Variants in IGSF5 observed in about 807,000 individuals in gnomAD.
The protein encoded by IGSF5 is immunoglobulin superfamily 5 like.
Under a neutral mutation model 39.4 loss-of-function variants are expected in IGSF5, and 41 were observed. That is an observed-to-expected ratio of 1.04 (90% CI 0.81 to 1.35). The LOEUF (loss-of-function observed/expected upper bound fraction) is 1.35, where lower values mean the gene tolerates loss of function less well. IGSF5 is among the 40% of genes most tolerant of loss of function. IGSF5 has a pLI of 0.00. For synonymous variants in IGSF5, 183 were observed against 175.3 expected (o/e 1.04, Z -0.34); for missense variants, 487 against 494.6 (o/e 0.98, Z 0.15).
At chr21:39,795,577 G>A (rs1029951245) in intron 8 of IGSF5, among the ~76,000 whole-genome samples, 1 of 151,516 alleles carries the variant, frequency 6.6e-6, no homozygotes, top group Non-Finnish European at 1.5e-5. Flanking sequence ...GGAATGTGAG[G>A]TGCATTTGGA....
chr21:39,747,420 C>G (rs2079980693), intron 2 of IGSF5, among the ~76,000 whole-genome samples: 1 of 140,386 alleles, frequency 7.1e-6, no homozygotes, highest in Admixed American at 7.5e-5. Flanking sequence ...CACAGCCAAA[C>G]CATATCACCT....
At chr21:39,763,220 G>C (rs1601127263) in intron 2 of IGSF5, among the ~76,000 whole-genome samples, 1 of 152,278 alleles carries the variant, frequency 6.6e-6, no homozygotes, top group South Asian at 2.1e-4. Context: ...GTCCTCCAGT[G>C]TTTATTCTGA....
the IGSF5 span, among the ~76,000 whole-genome samples, chr21:39,739,870 G>T: frequency 6.6e-6 from 1 of 152,158 alleles, no homozygotes; most frequent in Non-Finnish European, 1.5e-5. Flanking sequence ...TTAACAAGGA[G>T]GTTAAAGATA....
the IGSF5 span, among the ~76,000 whole-genome samples, chr21:39,722,970 C>A: frequency 6.6e-6 from 1 of 152,186 alleles, no homozygotes; most frequent in Non-Finnish European, 1.5e-5. Flanking sequence ...TATTATTAAC[C>A]TTGTTTTTCC....
At chr21:39,771,919 G>C (rs2080116577) in intron 4 of IGSF5, among the ~76,000 whole-genome samples, 1 of 152,186 alleles carries the variant, frequency 6.6e-6, no homozygotes, top group African/African-American at 2.4e-5. Flanking sequence ...GAGGCCCGGA[G>C]AAAGTCTGTG....
intron 8 of IGSF5, among the ~76,000 whole-genome samples, chr21:39,794,937 T>C (rs949607227): frequency 2.6e-5 from 4 of 152,144 alleles, no homozygotes; most frequent in African/African-American, 9.7e-5. Context: ...CAGTGATGTG[T>C]GTTTTTCAGG....
At chr21:39,796,654 A>G (rs1388948235) in intron 8 of IGSF5, among the ~76,000 whole-genome samples, 1 of 152,214 alleles carries the variant, frequency 6.6e-6, no homozygotes, top group Non-Finnish European at 1.5e-5. Context: ...GCTGGGGCCC[A>G]GCAGGGCTCC....
chr21:39,796,615 T>G (rs1267180224), intron 8 of IGSF5, among the ~76,000 whole-genome samples: 1 of 152,206 alleles, frequency 6.6e-6, no homozygotes, highest in Non-Finnish European at 1.5e-5. Context: ...TGCCGCATGT[T>G]TTGCGCACAC....
upstream of IGSF5, among the ~76,000 whole-genome samples, chr21:39,740,479 T>C (rs1172139985): frequency 1.3e-5 from 2 of 152,222 alleles, no homozygotes; most frequent in Non-Finnish European, 2.9e-5. Flanking sequence ...AGTCTGTATA[T>C]ATATTTACCC....
At chr21:39,790,189 T>C (rs1284768426) in intron 6 of IGSF5, among the ~76,000 whole-genome samples, 3 of 152,228 alleles carry the variant, frequency 2.0e-5, no homozygotes, top group Non-Finnish European at 4.4e-5. Flanking sequence ...ATTTTGTGTA[T>C]ACTCATTTAT....
the IGSF5 span, among the ~76,000 whole-genome samples, chr21:39,723,395 G>T: frequency 1.3e-5 from 2 of 152,308 alleles, no homozygotes; most frequent in East Asian, 1.9e-4. Context: ...GAGAGATTCT[G>T]CTAGCAAGAT....
At chr21:39,773,002 G>T (rs1437105916) in intron 4 of IGSF5, among the ~76,000 whole-genome samples, 2 of 152,122 alleles carry the variant, frequency 1.3e-5, no homozygotes, top group Non-Finnish European at 2.9e-5. Flanking sequence ...TAGGTTCAGG[G>T]TTACACATAC....
At chr21:39,737,769 G>C in the IGSF5 span, among the ~76,000 whole-genome samples, 1 of 152,128 alleles carries the variant, frequency 6.6e-6, no homozygotes, top group Non-Finnish European at 1.5e-5. Flanking sequence ...AATGAGACTG[G>C]GCAAAAAGGG....
chr21:39,741,778 G>T (rs1170847569), upstream of IGSF5, among the ~76,000 whole-genome samples: 1 of 152,158 alleles, frequency 6.6e-6, no homozygotes, highest in Non-Finnish European at 1.5e-5. Flanking sequence ...GCATCCTTAA[G>T]ATCCAGGACT....
the IGSF5 span, among the ~76,000 whole-genome samples, chr21:39,731,074 C>T: frequency 6.6e-6 from 1 of 152,208 alleles, no homozygotes; most frequent in African/African-American, 2.4e-5. Context: ...GCCCATCAGG[C>T]TGGGAGCTTG....
At chr21:39,756,020 G>A (rs909019182) in intron 2 of IGSF5, among the ~76,000 whole-genome samples, 17 of 152,164 alleles carry the variant, frequency 1.1e-4, no homozygotes, top group African/African-American at 4.1e-4. Context: ...GAACCTGGGA[G>A]GCGGAGGTTG....
chr21:39,781,051 T>G (rs574595634), intron 5 of IGSF5, among the ~76,000 whole-genome samples: 1 of 152,328 alleles, frequency 6.6e-6, no homozygotes, highest in African/African-American at 2.4e-5. Context: ...CTAACTCTTT[T>G]ACATGGAGTA....
At chr21:39,775,169 C>T (rs920288682) in intron 4 of IGSF5, among the ~76,000 whole-genome samples, 1 of 152,160 alleles carries the variant, frequency 6.6e-6, no homozygotes, top group African/African-American at 2.4e-5. Context: ...GCCTAGCCTT[C>T]CCCTCCAGCC....
the IGSF5 span, among the ~76,000 whole-genome samples, chr21:39,731,947 C>G: frequency 6.6e-6 from 1 of 152,304 alleles, no homozygotes; most frequent in South Asian, 2.1e-4. Flanking sequence ...CTGCAAAAGA[C>G]TTGTAGCTTT....
Sources: allele counts gnomAD v4.1 joint callset (sites outside exome capture counted in the v4.1 genomes callset), GRCh38; gene constraint gnomAD v4.1.1; transcripts MANE v1.5; gene names NCBI Gene and HGNC (gene_info 2026-07-23, HGNC 2026-07-21).